Variants in PRIM2 observed in about 807,000 individuals in gnomAD.
PRIM2 encodes the protein DNA primase subunit 2.
Under a neutral mutation model 67.3 loss-of-function variants are expected in PRIM2, and 39 were observed. That is an observed-to-expected ratio of 0.58 (90% CI 0.45 to 0.76). PRIM2 has a LOEUF of 0.76. Among genes scored for constraint, PRIM2 ranks in the 30% least tolerant of loss-of-function variants. PRIM2 has a pLI of 0.00. For missense variants in PRIM2, 398 were observed against 598.7 expected, an observed-to-expected ratio of 0.66 and a Z score of 3.50; for synonymous variants, 143 against 198.7, an observed-to-expected ratio of 0.72 and a Z score of 2.36.
At chr6:57,344,379 A>G (rs1768600628) in intron 5 of PRIM2, among the ~76,000 whole-genome samples, 1 of 152,072 alleles carries the variant, frequency 6.6e-6, no homozygotes, top group Non-Finnish European at 1.5e-5. Context: ...TATATGTTAT[A>G]TATGAAATGA....
the PRIM2 span, among the ~76,000 whole-genome samples, chr6:57,308,596 G>A: frequency 9.2e-5 from 14 of 152,224 alleles, no homozygotes; most frequent in African/African-American, 3.1e-4. Context: ...AATTTACCAG[G>A]TAATGCCACA....
chr6:57,410,680 G>T (rs1771059724), intron 7 of PRIM2, among the ~76,000 whole-genome samples: 7 of 151,848 alleles, frequency 4.6e-5, no homozygotes, highest in Admixed American at 3.9e-4. Flanking sequence ...TGTTGTCTGT[G>T]AATATAGTTT....
intron 7 of PRIM2, among the ~76,000 whole-genome samples, chr6:57,405,131 C>T (rs1448240001): frequency 6.6e-6 from 1 of 151,754 alleles, no homozygotes; most frequent in Non-Finnish European, 1.5e-5. Context: ...TGCTAGGAAA[C>T]AGCTGAATAC....
intron 7 of PRIM2, among the ~76,000 whole-genome samples, chr6:57,468,320 TGA>T (rs1196981053): frequency 6.6e-6 from 1 of 152,212 alleles, no homozygotes; most frequent in Non-Finnish European, 1.5e-5. Context: ...CCTAGTTTAT[TGA>T]GAGTTTTTAG....
intron 10 of PRIM2, among the ~76,000 whole-genome samples, chr6:57,540,177 TTAAG>T (rs1439757130): frequency 6.6e-6 from 1 of 152,142 alleles, no homozygotes; most frequent in South Asian, 2.1e-4. Context: ...ATTTGATGTC[TTAAG>T]TAGGTAGATG....
upstream of PRIM2, among the ~76,000 whole-genome samples, chr6:57,311,375 A>G (rs6915533): frequency 0.85 from 120,695 of 142,600 alleles, 50,598 homozygotes; most frequent in East Asian, 0.98. Flanking sequence ...GGGCAGAGGC[A>G]CTCCTCACTT....
chr6:57,455,664 T>G (rs1344873507), intron 7 of PRIM2, among the ~76,000 whole-genome samples: 1 of 152,216 alleles, frequency 6.6e-6, no homozygotes, highest in African/African-American at 2.4e-5. Context: ...TCCCTTTATT[T>G]TGAGCCTATA....
At position 57,626,625 on chromosome 6, in the gene PRIM2, T is replaced by C. The variant is rs1465769306; in HGVS notation, c.1231-5508T>C. ...TTTGTGAAGATGAAAACTGCATTGCTTTTTTTTTTTTTTTTTAAAGACAGG... is the reference window on the plus strand; with the variant it reads ...TTTGTGAAGATGAAAACTGCATTGCCTTTTTTTTTTTTTTTTAAAGACAGG... On this transcript the variant is annotated intron_variant, in intron 12 of 13. Coordinates refer to ENST00000615550, the MANE Select transcript of PRIM2 (RefSeq NM_000947.5). Among the ~76,000 whole-genome samples the C allele has an allele frequency of 4.1e-3, 553 of 135,880 alleles. 7 individuals are homozygous for C. The highest frequency in any genetic ancestry group is 0.014 in the African/African-American group (530 of 36,956). 89.1% of individuals were successfully genotyped at this position (135,880 alleles called of 152,430 possible).
At chr6:57,361,839 C>T (rs1769211262) in intron 5 of PRIM2, among the ~76,000 whole-genome samples, 2 of 152,136 alleles carry the variant, frequency 1.3e-5, no homozygotes, top group South Asian at 4.2e-4. Flanking sequence ...TTTCAGGAAA[C>T]AGAACAAGGT....
intron 7 of PRIM2, among the ~76,000 whole-genome samples, chr6:57,430,297 A>G (rs1372761213): frequency 1.3e-5 from 2 of 152,126 alleles, no homozygotes; most frequent in Non-Finnish European, 2.9e-5. Context: ...ACTAATTGCT[A>G]CCCCTTTACA....
the PRIM2 span, among the ~76,000 whole-genome samples, chr6:57,303,988 T>C: frequency 5.9e-5 from 9 of 152,180 alleles, no homozygotes; most frequent in Non-Finnish European, 1.0e-4. Flanking sequence ...AAAGCAATAA[T>C]GATGCAGGAT....
At chr6:57,397,955 C>T (rs1338684361) in intron 7 of PRIM2, among the ~76,000 whole-genome samples, 1 of 89,980 alleles carries the variant, frequency 1.1e-5, no homozygotes, top group South Asian at 3.3e-4. Flanking sequence ...TGAGATCTTT[C>T]TTTCTTTCTT....
chr6:57,378,355 C>T lies in PRIM2; in HGVS notation c.460-1546C>T, dbSNP rs552535920. Among the ~76,000 whole-genome samples the T allele has an allele frequency of 1.3e-3, 201 of 151,938 alleles. 3 individuals are homozygous for T. The highest frequency in any genetic ancestry group is 2.1e-4 in the South Asian group (1 of 4,812). ...TGCTGGGATTATAGACGTGAGCCAC[C>T]GTGCCCAGCCTTTTGCTTTTAAAAA... On this transcript the variant is annotated intron_variant, in intron 5 of 13. Coordinates refer to ENST00000615550, the MANE Select transcript of PRIM2 (RefSeq NM_000947.5).
intron 10 of PRIM2, among the ~76,000 whole-genome samples, chr6:57,563,586 G>T (rs1775680603): frequency 1.3e-5 from 2 of 152,222 alleles, no homozygotes; most frequent in African/African-American, 4.8e-5. Context: ...TTTAAAAAGG[G>T]AAGTTCAGTC....
At chr6:57,443,644 T>C (rs1250010546) in intron 7 of PRIM2, among the ~76,000 whole-genome samples, 4 of 152,234 alleles carry the variant, frequency 2.6e-5, no homozygotes, top group Non-Finnish European at 5.9e-5. Context: ...TGTTTGAGCT[T>C]CTTATGCATT....
intron 7 of PRIM2, among the ~76,000 whole-genome samples, chr6:57,491,224 T>C (rs1554345936): frequency 7.2e-5 from 11 of 152,214 alleles, no homozygotes. Context: ...ATATGGAACA[T>C]GAGTCAGACC....
rs150368039 is a variant in PRIM2 at position 57,420,333 on chromosome 6, T to A, written c.693+38165T>A. ...ATGTGACCAACGTGGTGAAACCCTG[T>A]CTCTACTAAAAATACAAAAATTAGC... On this transcript the variant is annotated intron_variant, in intron 7 of 13. Coordinates refer to ENST00000615550, the MANE Select transcript of PRIM2 (RefSeq NM_000947.5). 1.4e-4 allele frequency among the ~76,000 whole-genome samples: 22 copies of A among 152,154 alleles called. No individual in the cohort carries two copies. In the East Asian group the frequency reaches 3.7e-3, roughly 25 times the overall value.
intron 10 of PRIM2, among the ~76,000 whole-genome samples, chr6:57,562,175 A>G (rs1257908152): frequency 2.0e-5 from 3 of 152,208 alleles, no homozygotes; most frequent in Admixed American, 6.5e-5. Flanking sequence ...CAAAACAGAC[A>G]TAATAATAAA....
chr6:57,352,383 G>A (rs910793263), intron 5 of PRIM2, among the ~76,000 whole-genome samples: 7 of 152,048 alleles, frequency 4.6e-5, no homozygotes, highest in Non-Finnish European at 8.8e-5. Flanking sequence ...TGGGATTACA[G>A]GTGTTCCCCA....
Sources: allele counts gnomAD v4.1 joint callset (sites outside exome capture counted in the v4.1 genomes callset), GRCh38; gene constraint gnomAD v4.1.1; transcripts MANE v1.5; gene names NCBI Gene and HGNC (gene_info 2026-07-23, HGNC 2026-07-21).